SPOCK3: variants seen among roughly 807,000 people sequenced by gnomAD.
SPOCK3 encodes the protein testican-3.
Under a neutral mutation model 56.6 loss-of-function variants are expected in SPOCK3, and 30 were observed. The observed-to-expected ratio is 0.53, with a 90% CI of 0.40 to 0.72. The LOEUF (loss-of-function observed/expected upper bound fraction) is 0.72. Among genes scored for constraint, SPOCK3 ranks in the 30% least tolerant of loss-of-function variants. SPOCK3 has a pLI of 0.00. For synonymous variants in SPOCK3, 196 were observed against 183.3 expected (o/e 1.07, Z -0.56); for missense variants, 527 against 530.0 (o/e 0.99, Z 0.06).
intron 4 of SPOCK3, among the ~76,000 whole-genome samples, chr4:166,932,495 G>A (rs1276776838): frequency 6.6e-6 from 1 of 152,064 alleles, no homozygotes; most frequent in Non-Finnish European, 1.5e-5. Flanking sequence ...TCTTTGATAT[G>A]AACCTTGTTA....
At chr4:166,872,260 A>G (rs1336081383) in intron 6 of SPOCK3, among the ~76,000 whole-genome samples, 1 of 152,130 alleles carries the variant, frequency 6.6e-6, no homozygotes, top group African/African-American at 2.4e-5. Flanking sequence ...TACATATAGG[A>G]TATAGAGAAA....
chr4:166,936,435 T>C (rs1455928987), intron 4 of SPOCK3, among the ~76,000 whole-genome samples: 2 of 152,122 alleles, frequency 1.3e-5, no homozygotes, highest in African/African-American at 4.8e-5. Flanking sequence ...ATTTCTGTTT[T>C]GAATGAGATA....
At chr4:167,157,385 C>T (rs1764904094) in intron 2 of SPOCK3, among the ~76,000 whole-genome samples, 1 of 151,832 alleles carries the variant, frequency 6.6e-6, no homozygotes, top group African/African-American at 2.4e-5. Context: ...TTAAATGTTA[C>T]TCATGCAAAG....
intron 2 of SPOCK3, among the ~76,000 whole-genome samples, chr4:167,125,065 A>T (rs1762148313): frequency 6.6e-6 from 1 of 152,074 alleles, no homozygotes; most frequent in African/African-American, 2.4e-5. Flanking sequence ...CTTAAAATTT[A>T]GTTTCGTCCC....
intron 6 of SPOCK3, among the ~76,000 whole-genome samples, chr4:166,796,784 G>A (rs1287200889): frequency 6.6e-6 from 1 of 152,120 alleles, no homozygotes; most frequent in Non-Finnish European, 1.5e-5. Context: ...TTCCAACAAT[G>A]TAATGTTTAG....
chr4:167,134,022 C>CTTTTTTTTTTT (rs34410893), intron 2 of SPOCK3, among the ~76,000 whole-genome samples: 2 of 80,560 alleles, frequency 2.5e-5, no homozygotes, highest in Non-Finnish European at 4.6e-5. Context: ...ACACCTTTTT[C>CTTTTTTTTTTT]TTTTTTTTTT....
At chr4:166,744,578 C>T (rs1735319796) in intron 8 of SPOCK3, among the ~76,000 whole-genome samples, 1 of 152,160 alleles carries the variant, frequency 6.6e-6, no homozygotes, top group Non-Finnish European at 1.5e-5. Context: ...CGCCTATTCT[C>T]CTCCAAAGGA....
At chr4:167,001,012 C>T (rs1748900684) in intron 3 of SPOCK3, among the ~76,000 whole-genome samples, 1 of 152,264 alleles carries the variant, frequency 6.6e-6, no homozygotes, top group Non-Finnish European at 1.5e-5. Context: ...ATTTTTACAT[C>T]ATTTGTGCAT....
chr4:166,848,097 T>C (rs1426368248), intron 6 of SPOCK3, among the ~76,000 whole-genome samples: 2 of 152,116 alleles, frequency 1.3e-5, no homozygotes, highest in Non-Finnish European at 2.9e-5. Context: ...TCTAAAAAAT[T>C]ATAACAAGCC....
chr4:166,954,312 T>A (rs1743118151), intron 4 of SPOCK3, among the ~76,000 whole-genome samples: 1 of 152,160 alleles, frequency 6.6e-6, no homozygotes, highest in South Asian at 2.1e-4. Flanking sequence ...TTTGATATCA[T>A]CCCATCTGTC....
intron 4 of SPOCK3, among the ~76,000 whole-genome samples, chr4:166,958,383 T>A (rs1421097805): frequency 5.9e-5 from 9 of 152,132 alleles, no homozygotes; most frequent in Admixed American, 5.9e-4. Flanking sequence ...CTTTTTTTCT[T>A]ATAATTAAGC....
chr4:166,847,652 T>TATATATATATATATATATATAA (rs1406308816), intron 6 of SPOCK3, among the ~76,000 whole-genome samples: 17 of 80,434 alleles, frequency 2.1e-4, no homozygotes, highest in Admixed American at 5.7e-4. Context: ...CTAGTTTATA[T>TATATATATATATATATATATAA]ATATATATAT....
At chr4:166,953,735 C>T (rs549823956) in intron 4 of SPOCK3, among the ~76,000 whole-genome samples, 2 of 152,290 alleles carry the variant, frequency 1.3e-5, no homozygotes, top group African/African-American at 4.8e-5. Flanking sequence ...CACATATACA[C>T]CATGGAATAC....
rs113178155 is a variant in SPOCK3 at position 167,113,367 on chromosome 4, C to T, written c.190-50830G>A. On this transcript the variant is annotated intron_variant, in intron 2 of 10. Coordinates refer to ENST00000357545, the MANE Select transcript of SPOCK3 (RefSeq NM_001040159.2). ...CACTTGGCATGGCAGGAGGGTTCTT[C>T]TTACAATTTTTTTTTTTTTACCATT... 3.3e-3 allele frequency among the ~76,000 whole-genome samples: 463 copies of T among 141,476 alleles called. 9 individuals carry two copies. In the East Asian group the frequency reaches 0.064, roughly 19 times the overall value. The allele number at this position is 141,476 out of a possible 152,430, so 92.8% of individuals were successfully genotyped here.
chr4:167,167,952 C>T (rs1398844466), intron 2 of SPOCK3, among the ~76,000 whole-genome samples: 1 of 151,990 alleles, frequency 6.6e-6, no homozygotes, highest in Non-Finnish European at 1.5e-5. Flanking sequence ...GTGATTTCCC[C>T]CCATACTGTT....
chr4:167,174,263 A>C (rs1423789132), intron 2 of SPOCK3, among the ~76,000 whole-genome samples: 1 of 152,100 alleles, frequency 6.6e-6, no homozygotes, highest in Non-Finnish European at 1.5e-5. Context: ...TTTATTAAAA[A>C]ATTTTTAAAA....
chr4:166,932,558 T>C (rs1194872922), intron 4 of SPOCK3, among the ~76,000 whole-genome samples: 2 of 152,194 alleles, frequency 1.3e-5, no homozygotes, highest in Admixed American at 1.3e-4. Flanking sequence ...CCTTGGAAGT[T>C]GTATTATGTT....
intron 4 of SPOCK3, among the ~76,000 whole-genome samples, chr4:166,975,521 T>A (rs529921849): frequency 1.3e-5 from 2 of 152,286 alleles, no homozygotes; most frequent in African/African-American, 4.8e-5. Context: ...AGCTATAATT[T>A]TAGTTATTTT....
intron 2 of SPOCK3, among the ~76,000 whole-genome samples, chr4:167,128,971 T>A (rs1762501828): frequency 6.6e-6 from 1 of 152,078 alleles, no homozygotes. Flanking sequence ...TGAAATGCAT[T>A]GATGAGAAAT....
Sources: gnomAD v4.1 joint callset for allele counts (sites outside exome capture counted in the v4.1 genomes callset) on GRCh38, gnomAD v4.1.1 for gene constraint, MANE v1.5 for transcripts, NCBI Gene and HGNC (gene_info 2026-07-23, HGNC 2026-07-21) for gene names.